The following PPARGC1A variants were observed in gnomAD, a reference collection of about 807,000 sequenced individuals.
PPARGC1A encodes peroxisome proliferator-activated receptor gamma coactivator 1-alpha.
A neutral mutation model predicts 88.7 loss-of-function variants in PPARGC1A; 25 were observed. The observed-to-expected ratio is 0.28, with a 90% confidence interval of 0.21 to 0.39. The LOEUF (loss-of-function observed/expected upper bound fraction) is 0.39. PPARGC1A is among the 10% of genes least tolerant of loss of function. The pLI, the probability that PPARGC1A is intolerant of heterozygous loss-of-function variation, is 1.00. For synonymous variants in PPARGC1A, 363 were observed against 355.6 expected (o/e 1.02, Z -0.24); for missense variants, 880 against 968.7 (o/e 0.91, Z 1.22).
the PPARGC1A span, among the ~76,000 whole-genome samples, chr4:23,995,418 T>G: frequency 1.3e-5 from 2 of 152,212 alleles, no homozygotes; most frequent in Admixed American, 6.5e-5. Context: ...TCTAAAGACT[T>G]GTTCACCATT....
chr4:24,300,745 A>T, the PPARGC1A span, among the ~76,000 whole-genome samples: 9 of 152,092 alleles, frequency 5.9e-5, no homozygotes, highest in African/African-American at 7.2e-5. Context: ...CTTCCCTTGC[A>T]GCTAGGTATG....
chr4:24,361,473 CACTCTCTCTATCCTTCTGTTTG>C, the PPARGC1A span, among the ~76,000 whole-genome samples: 1 of 152,148 alleles, frequency 6.6e-6, no homozygotes, highest in Non-Finnish European at 1.5e-5. Context: ...GAGGCTGATT[CACTCTCTCTATCCTTCTGTTTG>C]ACTCTCTCTG....
chr4:23,813,744 C>T lies in PPARGC1A; in HGVS notation c.1739G>A (p.Arg580Gln), dbSNP rs143326747. ...RSFSRHRSCS[R>Q]SPYSRSRSRS... ...TGATCTTGACCTGGAATATGGTGAT[C>T]GGGAACACGACCTGTGTCGAGAAAA... The change falls in exon 8 of 13, where the codon CGA becomes CAA. Residue 580 changes from arginine to glutamine, a missense_variant. Coordinates refer to ENST00000264867, the MANE Select transcript of PPARGC1A (RefSeq NM_013261.5). The T allele has an allele frequency of 6.9e-5, 111 of 1,612,516 alleles. No homozygotes were observed. In the Middle Eastern group the frequency reaches 8.3e-4, roughly 12 times the overall value.
chr4:24,230,485 C>T, the PPARGC1A span, among the ~76,000 whole-genome samples: 41 of 152,230 alleles, frequency 2.7e-4, no homozygotes, highest in African/African-American at 6.5e-4. Context: ...CTAAACTTTT[C>T]GCTGGTTCCT....
chr4:23,811,939 A>T lies in PPARGC1A; in HGVS notation c.2019+808T>A, dbSNP rs1164729027. Among the ~76,000 whole-genome samples, 3 of 67,914 alleles carry T rather than the reference A, an allele frequency of 4.4e-5. No homozygotes were observed. The Admixed American group carries it at 6.5e-4, about 15-fold the overall frequency. The allele number at this position is 67,914 out of a possible 152,430, so 44.6% of individuals were successfully genotyped here. On this transcript the variant is annotated intron_variant, in intron 10 of 12. Coordinates refer to ENST00000264867, the MANE Select transcript of PPARGC1A (RefSeq NM_013261.5). ...TTTTTTTTTTTTTTTTTTTTTTGAG[A>T]CAGAGTCTCACTCTGTCACCCAGGC...
At chr4:24,358,146 T>C in the PPARGC1A span, among the ~76,000 whole-genome samples, 1 of 152,228 alleles carries the variant, frequency 6.6e-6, no homozygotes. Context: ...ATGAGGAAAC[T>C]GAGGCTGGTA....
At chr4:24,012,020 A>G in the PPARGC1A span, among the ~76,000 whole-genome samples, 4 of 152,172 alleles carry the variant, frequency 2.6e-5, no homozygotes, top group Non-Finnish European at 5.9e-5. Flanking sequence ...CTTGCTACCT[A>G]AAATAGAAAT....
intron 2 of PPARGC1A, chr4:23,883,273 A>C (rs1334497155): frequency 6.6e-6 from 1 of 152,200 alleles, no homozygotes; most frequent in Non-Finnish European, 1.5e-5. Flanking sequence ...AAACCCACTT[A>C]ATCTCCAGAG....
intron 12 of PPARGC1A, among the ~76,000 whole-genome samples, chr4:23,798,033 A>T: frequency 6.6e-6 from 1 of 152,070 alleles, no homozygotes; most frequent in Admixed American, 6.5e-5. Context: ...CTGGCTCAAA[A>T]GCTCCCCAAC....
the PPARGC1A span, among the ~76,000 whole-genome samples, chr4:24,292,111 G>A: frequency 1.3e-5 from 2 of 152,250 alleles, no homozygotes; most frequent in South Asian, 2.1e-4. Context: ...ATTCAGCCAC[G>A]CTGAAGTTTC....
the PPARGC1A span, among the ~76,000 whole-genome samples, chr4:23,988,324 A>C: frequency 1.3e-5 from 2 of 152,064 alleles, no homozygotes; most frequent in Admixed American, 1.3e-4. Context: ...GCTGAGTCAA[A>C]TGGTATTTCT....
chr4:24,141,479 A>C, the PPARGC1A span, among the ~76,000 whole-genome samples: 5 of 152,244 alleles, frequency 3.3e-5, no homozygotes, highest in Non-Finnish European at 7.3e-5. Flanking sequence ...CAAGGTATGC[A>C]CATCTCAGAC....
chr4:24,017,608 T>G, the PPARGC1A span, among the ~76,000 whole-genome samples: 3 of 152,140 alleles, frequency 2.0e-5, no homozygotes, highest in Non-Finnish European at 2.9e-5. Context: ...CTCAGAAAAG[T>G]AAATATACTT....
chr4:24,027,213 GTGTGTC>G, the PPARGC1A span, among the ~76,000 whole-genome samples: 9 of 150,022 alleles, frequency 6.0e-5, no homozygotes, highest in East Asian at 2.0e-4. Flanking sequence ...GTGTGTGTGT[GTGTGTC>G]TGTGTGTCTG....
At chr4:24,361,292 T>C in the PPARGC1A span, among the ~76,000 whole-genome samples, 2 of 152,284 alleles carry the variant, frequency 1.3e-5, no homozygotes, top group Admixed American at 6.5e-5. Flanking sequence ...GAAAGCAGCA[T>C]AGATGATAAA....
At chr4:23,807,402 G>A (rs1275580668) in intron 10 of PPARGC1A, among the ~76,000 whole-genome samples, 1 of 152,106 alleles carries the variant, frequency 6.6e-6, no homozygotes, top group Non-Finnish European at 1.5e-5. Context: ...TTCACGTACC[G>A]TGTGCTACTA....
upstream of PPARGC1A, among the ~76,000 whole-genome samples, chr4:23,901,733 A>C (rs1577704182): frequency 6.6e-6 from 1 of 152,188 alleles, no homozygotes; most frequent in East Asian, 1.9e-4. Flanking sequence ...AAAACAATTC[A>C]ATATAAAGTC....
the PPARGC1A span, among the ~76,000 whole-genome samples, chr4:23,935,575 G>C: frequency 1.3e-5 from 2 of 152,126 alleles, no homozygotes; most frequent in Non-Finnish European, 2.9e-5. Context: ...CTCCCCAGAG[G>C]TATGCAATAT....
chr4:24,125,796 T>A, the PPARGC1A span, among the ~76,000 whole-genome samples: 1 of 152,192 alleles, frequency 6.6e-6, no homozygotes. Context: ...AACTAGCTCC[T>A]AAGCTTCTTG....
Sources: allele counts gnomAD v4.1 joint callset (sites outside exome capture counted in the v4.1 genomes callset), GRCh38; gene constraint gnomAD v4.1.1; transcripts MANE v1.5; gene names NCBI Gene and HGNC (gene_info 2026-07-23, HGNC 2026-07-21).